The following RPA2 variants were observed in gnomAD, a reference collection of about 807,000 sequenced individuals.
The protein encoded by RPA2 is replication protein A 32 kDa subunit.
Under a neutral mutation model 33.4 loss-of-function variants are expected in RPA2, and 22 were observed. The ratio of observed to expected loss-of-function variants is 0.66; its 90% CI spans 0.47 to 0.94. The LOEUF (loss-of-function observed/expected upper bound fraction) is 0.94. Ranked by LOEUF, RPA2 falls within the 40% of genes least tolerant of loss-of-function variation. RPA2 has a pLI of 0.00. For missense variants in RPA2, 279 were observed against 329.9 expected (o/e 0.85, Z 1.19); for synonymous variants, 109 against 114.9 (o/e 0.95, Z 0.33).
intron 2 of RPA2, among the ~76,000 whole-genome samples, chr1:27,910,252 A>T (rs2090081426): frequency 6.6e-6 from 1 of 152,210 alleles, no homozygotes; most frequent in Admixed American, 6.5e-5. Context: ...ACACCTCTTA[A>T]GTTGTAAATG....
At chr1:27,906,730 T>G (rs2090033558) in intron 4 of RPA2, among the ~76,000 whole-genome samples, 198 bp downstream of exon 4, 1 of 152,192 alleles carries the variant, frequency 6.6e-6, no homozygotes, top group South Asian at 2.1e-4. Context: ...TACTGTCTCC[T>G]GTCATTTGAC....
chr1:27,906,854 T>C (rs2090034983), intron 4 of RPA2, 74 bp downstream of exon 4: 2 of 997,856 alleles, frequency 2.0e-6, no homozygotes, highest in Admixed American at 2.7e-5. Context: ...GAAAAAACTT[T>C]AAAAAGACTA....
chr1:27,902,415 C>T lies in RPA2; in HGVS notation c.333+4513G>A, dbSNP rs186601531. Among the ~76,000 whole-genome samples the T allele has an allele frequency of 2.7e-3, 413 of 151,892 alleles. 3 individuals are homozygous for T. Among genetic ancestry groups the T allele is most frequent in the Admixed American group, 6.0e-3 (91 of 15,222 alleles). On this transcript the variant is annotated intron_variant, in intron 4 of 8. Transcript: ENST00000373912. ...TCTTGTGCCTCAGCCTCCCGAGTAG[C>T]TGGGACTACAGGCGTGCACCACCAT...
At chr1:27,901,506 G>A (rs1489160797) in intron 4 of RPA2, among the ~76,000 whole-genome samples, 1 of 151,876 alleles carries the variant, frequency 6.6e-6, no homozygotes, top group Admixed American at 6.6e-5. Flanking sequence ...GGCATTACAG[G>A]TGCCCACAAC....
chr1:27,898,696 C>T (rs1466076489), intron 4 of RPA2, among the ~76,000 whole-genome samples: 3 of 151,940 alleles, frequency 2.0e-5, no homozygotes, highest in African/African-American at 7.3e-5. Flanking sequence ...TAGGCGCCTG[C>T]CACCACACCT....
In RPA2 at chr1:27,902,711, A is replaced by G. The variant is rs1480563012; in HGVS notation, c.333+4217T>C. On this transcript the variant is annotated intron_variant, in intron 4 of 8. Coordinates refer to ENST00000373912, the MANE Select transcript of RPA2 (RefSeq NM_002946.5). ...GTAATCCCAGCACTTTGGGAGGCTG[A>G]GGTGGGAGGATTGCTTAAACCCAGG... is the stretch of plus-strand genomic sequence containing the variant. Among the ~76,000 whole-genome samples, 3 of 152,070 alleles carry G rather than the reference A, an allele frequency of 2.0e-5. No homozygotes were observed. In the East Asian group the frequency reaches 5.8e-4, roughly 29 times the overall value.
chr1:27,897,228 G>A, intron 5 of RPA2, 107 bp from the exon 6 acceptor site: 3 of 765,250 alleles, frequency 3.9e-6, no homozygotes, highest in Non-Finnish European at 6.4e-6. Flanking sequence ...TCACCAATAT[G>A]AGAAAAATGT....
chr1:27,914,177 G>T lies in RPA2; in HGVS notation c.11-8C>A, dbSNP rs755502715. 1.2e-6 allele frequency: 2 copies of T among 1,613,572 alleles called. No individual in the cohort carries two copies. The highest frequency in any genetic ancestry group is 8.5e-7 in the Non-Finnish European group (1 of 1,179,894). The stretch of plus-strand genomic sequence containing the variant: ...CATAGCTTTCGAATCCACCTGTTTT[G>T]AACAACAGGATTAGTGCCTGTGCCA... On this transcript the variant is annotated splice_region_variant and splice_polypyrimidine_tract_variant and intron_variant, in intron 1 of 8. Coordinates refer to ENST00000373912, the MANE Select transcript of RPA2 (RefSeq NM_002946.5).
intron 2 of RPA2, among the ~76,000 whole-genome samples, chr1:27,907,552 A>C (rs546369892): frequency 6.6e-6 from 1 of 152,320 alleles, no homozygotes; most frequent in African/African-American, 2.4e-5. Flanking sequence ...AATAGGTCAG[A>C]GTGGGGGACA....
intron 2 of RPA2, 43 bp downstream of exon 2, chr1:27,914,018 CTT>C: frequency 6.6e-7 from 1 of 1,513,632 alleles, no homozygotes; most frequent in Non-Finnish European, 8.9e-7. Flanking sequence ...GACTCAGGGA[CTT>C]CAGGACAGGA....
chr1:27,902,139 G>C (rs1178076458), intron 4 of RPA2, among the ~76,000 whole-genome samples: 1 of 151,610 alleles, frequency 6.6e-6, no homozygotes, highest in African/African-American at 2.4e-5. Flanking sequence ...CAGGCTAGAG[G>C]GCAGTGACGC....
At chr1:27,899,760 A>C (rs1238180728) in intron 4 of RPA2, among the ~76,000 whole-genome samples, 1 of 151,868 alleles carries the variant, frequency 6.6e-6, no homozygotes, top group Non-Finnish European at 1.5e-5. Context: ...AGCTCACTGC[A>C]AGCTCCGCCT....
chr1:27,904,353 G>C (rs1014980031), intron 4 of RPA2, among the ~76,000 whole-genome samples: 1 of 152,140 alleles, frequency 6.6e-6, no homozygotes, highest in Non-Finnish European at 1.5e-5. Context: ...AGTTCTTTAA[G>C]AGACATGAGA....
intron 4 of RPA2, among the ~76,000 whole-genome samples, chr1:27,904,665 T>A (rs956409703): frequency 2.0e-5 from 3 of 151,840 alleles, no homozygotes; most frequent in Middle Eastern, 3.2e-3. Flanking sequence ...TTTTTTTGAG[T>A]CAGTCTTGCT....
chr1:27,899,407 A>T (rs2089935546), intron 4 of RPA2, among the ~76,000 whole-genome samples: 1 of 147,136 alleles, frequency 6.8e-6, no homozygotes, highest in Non-Finnish European at 1.5e-5. Flanking sequence ...CGGGAGGCTG[A>T]GGCAGGAGAA....
Position 27,907,245 on chromosome 1 carries a change from G to A in RPA2, c.155C>T (p.Ser52Phe), listed in dbSNP as rs1317288814. Residue 52 changes from serine (S) to phenylalanine (F), a missense_variant, in exon 3 of 9, where the codon TCT becomes TTT. Ser to Phe is a radical substitution (Grantham distance 155, BLOSUM62 -2). Around this residue, in one of 2 missense-constraint regions of RPA2, gnomAD observed 274 missense variants for 310.3 expected, o/e 0.88. Transcript: ENST00000373912. ...RAQHIVPCTI[S>F]QLLSATLVDE... ...AACCAAAGTGGCAGAAAGCAGCTGAGATATAGTACAGGGCACAATGTGCTG... is the reference window on the plus strand; with the variant it reads ...AACCAAAGTGGCAGAAAGCAGCTGAAATATAGTACAGGGCACAATGTGCTG... 1 of 1,613,882 alleles carries A rather than the reference G, an allele frequency of 6.2e-7. No homozygotes were observed. Among genetic ancestry groups the A allele is most frequent in the Non-Finnish European group, 8.5e-7 (1 of 1,179,986 alleles).
At chr1:27,903,378 C>T (rs767937532) in intron 4 of RPA2, among the ~76,000 whole-genome samples, 6 of 152,028 alleles carry the variant, frequency 3.9e-5, no homozygotes, top group Non-Finnish European at 5.9e-5. Flanking sequence ...ATAATGGAAT[C>T]GGTGGTCATT....
intron 4 of RPA2, among the ~76,000 whole-genome samples, chr1:27,899,594 T>G (rs2089940776): frequency 6.6e-6 from 1 of 151,636 alleles, no homozygotes; most frequent in Admixed American, 6.6e-5. Context: ...AGAAAAGATC[T>G]CTACCTCAAC....
chr1:27,904,900 C>CATTG (rs1338019337), intron 4 of RPA2, among the ~76,000 whole-genome samples: 2 of 152,184 alleles, frequency 1.3e-5, no homozygotes, highest in Admixed American at 6.5e-5. Context: ...GACCCGCCAG[C>CATTG]ATTGGCCTCC....
Sources: gnomAD v4.1 joint callset for allele counts (sites outside exome capture counted in the v4.1 genomes callset) on GRCh38, gnomAD v4.1.1 for gene constraint, gnomAD v4.1.1 regional missense constraint, MANE v1.5 for transcripts, NCBI Gene and HGNC (gene_info 2026-07-23, HGNC 2026-07-21) for gene names.